Variants in CDH18 observed in about 807,000 individuals in gnomAD.
CDH18 encodes cadherin-18.
A neutral mutation model predicts 67.9 loss-of-function variants in CDH18; 31 were observed. The ratio of observed to expected loss-of-function variants is 0.46; its 90% CI spans 0.34 to 0.62. The LOEUF is 0.62. CDH18 is among the 20% of genes least tolerant of loss of function. CDH18 has a pLI of 0.01. For missense variants in CDH18, 890 were observed against 975.5 expected (o/e 0.91, Z 1.17); for synonymous variants, 362 against 347.2 (o/e 1.04, Z -0.48).
intron 2 of CDH18, among the ~76,000 whole-genome samples, chr5:19,980,082 T>C (rs776349453): frequency 3.9e-5 from 6 of 152,160 alleles, no homozygotes; most frequent in Non-Finnish European, 8.8e-5. Flanking sequence ...AGAAAGCTCC[T>C]AGAACTGATA....
At chr5:20,073,525 G>A (rs1743664573) in intron 2 of CDH18, among the ~76,000 whole-genome samples, 1 of 151,954 alleles carries the variant, frequency 6.6e-6, no homozygotes, top group South Asian at 2.1e-4. Flanking sequence ...GTAATGGGAT[G>A]TTTACTTAAT....
chr5:19,897,991 A>C (rs1335950144), intron 2 of CDH18, among the ~76,000 whole-genome samples: 1 of 152,118 alleles, frequency 6.6e-6, no homozygotes, highest in Admixed American at 6.5e-5. Flanking sequence ...ATTGAGTCGT[A>C]CTTATGATAT....
chr5:19,771,791 C>T (rs775541449), intron 3 of CDH18, among the ~76,000 whole-genome samples: 10 of 152,076 alleles, frequency 6.6e-5, no homozygotes, highest in Admixed American at 4.6e-4. Flanking sequence ...ATAGGCCAAA[C>T]GAAACTAAGC....
chr5:19,779,892 G>C (rs924101823), intron 3 of CDH18, among the ~76,000 whole-genome samples: 8 of 152,098 alleles, frequency 5.3e-5, no homozygotes, highest in Non-Finnish European at 2.9e-5. Flanking sequence ...CTCAAAATAA[G>C]ACATAGACTA....
chr5:19,477,377 T>C (rs1250535119), intron 12 of CDH18, among the ~76,000 whole-genome samples: 4 of 151,508 alleles, frequency 2.6e-5, no homozygotes, highest in Non-Finnish European at 5.9e-5. Flanking sequence ...AGATACTCCA[T>C]AAACAATTAT....
chr5:20,458,991 T>A (rs1554003040), intron 1 of CDH18, among the ~76,000 whole-genome samples: 5 of 151,658 alleles, frequency 3.3e-5, no homozygotes, highest in Non-Finnish European at 7.4e-5. Context: ...ACCAATTTCC[T>A]AAAAAAAAGT....
chr5:20,457,611 A>G (rs1226902214), intron 1 of CDH18, among the ~76,000 whole-genome samples: 1 of 152,124 alleles, frequency 6.6e-6, no homozygotes, highest in Non-Finnish European at 1.5e-5. Flanking sequence ...TAAATATTTT[A>G]AAAATCATGG....
At chr5:20,182,923 C>T (rs536408807) in intron 2 of CDH18, among the ~76,000 whole-genome samples, 1 of 152,056 alleles carries the variant, frequency 6.6e-6, no homozygotes, top group African/African-American at 2.4e-5. Context: ...GTCTCTATAT[C>T]GAATGGGATG....
chr5:20,209,918 T>C (rs1444258555), intron 2 of CDH18, among the ~76,000 whole-genome samples: 1 of 151,680 alleles, frequency 6.6e-6, no homozygotes, highest in Non-Finnish European at 1.5e-5. Context: ...TATATGAATG[T>C]ATCAGATTAT....
intron 9 of CDH18, among the ~76,000 whole-genome samples, chr5:19,527,959 C>T (rs552545802): frequency 8.6e-4 from 131 of 151,802 alleles, no homozygotes; most frequent in African/African-American, 2.6e-3. Flanking sequence ...TGTGCCTTTG[C>T]TGTTAGGAAT....
chr5:19,984,364 T>C (rs1799357449), intron 1 of CDH18, among the ~76,000 whole-genome samples: 1 of 152,104 alleles, frequency 6.6e-6, no homozygotes, highest in African/African-American at 2.4e-5. Flanking sequence ...ATTTTTATAA[T>C]AAATTTTAAA....
intron 2 of CDH18, among the ~76,000 whole-genome samples, chr5:20,129,852 C>T (rs1021097171): frequency 2.0e-5 from 3 of 151,864 alleles, no homozygotes; most frequent in Admixed American, 6.6e-5. Context: ...AAGTAAAATA[C>T]TGATAATAGG....
At chr5:19,514,331 C>T (rs1745602529) in intron 10 of CDH18, among the ~76,000 whole-genome samples, 1 of 152,170 alleles carries the variant, frequency 6.6e-6, no homozygotes, top group Non-Finnish European at 1.5e-5. Flanking sequence ...TTTATAGTAG[C>T]ATGGTGTATA....
At chr5:20,283,925 T>G (rs767646967) in intron 1 of CDH18, among the ~76,000 whole-genome samples, 3 of 152,034 alleles carry the variant, frequency 2.0e-5, no homozygotes, top group Non-Finnish European at 4.4e-5. Context: ...ATAAAAGGAA[T>G]GAGATCCTAT....
At chr5:19,531,101 C>G (rs1262517950) in intron 9 of CDH18, among the ~76,000 whole-genome samples, 1 of 152,190 alleles carries the variant, frequency 6.6e-6, no homozygotes, top group Non-Finnish European at 1.5e-5. Flanking sequence ...TTGGCTCCAC[C>G]TCCAATAAAT....
chr5:20,388,278 T>C (rs1439741276), intron 1 of CDH18, among the ~76,000 whole-genome samples: 2 of 152,218 alleles, frequency 1.3e-5, no homozygotes, highest in African/African-American at 4.8e-5. Flanking sequence ...ATTCAACTTC[T>C]TCCTGGTTTA....
chr5:20,462,383 G>T (rs578114054), intron 1 of CDH18, among the ~76,000 whole-genome samples: 1 of 152,200 alleles, frequency 6.6e-6, no homozygotes, highest in African/African-American at 2.4e-5. Flanking sequence ...AAGATGAGAA[G>T]AGGGTACAAA....
At chr5:20,054,549 T>C (rs142104264) in intron 2 of CDH18, among the ~76,000 whole-genome samples, 2 of 152,264 alleles carry the variant, frequency 1.3e-5, no homozygotes, top group South Asian at 2.1e-4. Flanking sequence ...TTCTACCAAT[T>C]GAAGGTCTTT....
At chr5:19,866,717 C>G (rs530868941) in intron 2 of CDH18, among the ~76,000 whole-genome samples, 1 of 152,108 alleles carries the variant, frequency 6.6e-6, no homozygotes, top group African/African-American at 2.4e-5. Context: ...CTCCTCTTTC[C>G]GCTCTTGAAA....
Sources: allele counts gnomAD v4.1 joint callset (sites outside exome capture counted in the v4.1 genomes callset), GRCh38; gene constraint gnomAD v4.1.1; transcripts MANE v1.5; gene names NCBI Gene and HGNC (gene_info 2026-07-23, HGNC 2026-07-21).